Variants in GRID2 observed in about 807,000 individuals in gnomAD.
GRID2 encodes the protein glutamate ionotropic receptor delta type subunit 2, also known as glutamate receptor ionotropic, delta-2.
Under a neutral mutation model 114.8 loss-of-function variants are expected in GRID2, and 33 were observed. That is an observed-to-expected ratio of 0.29 (90% CI 0.22 to 0.38). GRID2 has a LOEUF of 0.38. GRID2 is among the 10% of genes least tolerant of loss of function. GRID2 has a pLI of 1.00. For synonymous variants in GRID2, 505 were observed against 449.9 expected (o/e 1.12, Z -1.55); for missense variants, 1,184 against 1,257.7 (o/e 0.94, Z 0.89).
At chr4:93,751,972 CTT>C (rs759877728) in intron 14 of GRID2, among the ~76,000 whole-genome samples, 9 of 143,046 alleles carry the variant, frequency 6.3e-5, no homozygotes, top group Non-Finnish European at 6.2e-5. Context: ...CCTGAACATT[CTT>C]TTTTTTTTTT....
At chr4:93,000,832 G>C (rs939436852) in intron 2 of GRID2, among the ~76,000 whole-genome samples, 1 of 151,244 alleles carries the variant, frequency 6.6e-6, no homozygotes, top group South Asian at 2.1e-4. Flanking sequence ...GGGAGAAGGG[G>C]GTTGAAAAAC....
chr4:92,439,900 C>T (rs892935285), intron 1 of GRID2, among the ~76,000 whole-genome samples: 1 of 145,624 alleles, frequency 6.9e-6, no homozygotes, highest in Non-Finnish European at 1.6e-5. Context: ...GCAGTGTAAA[C>T]AAGAGCAGGG....
intron 2 of GRID2, among the ~76,000 whole-genome samples, chr4:92,835,505 C>G (rs1047152577): frequency 1.3e-5 from 2 of 152,056 alleles, no homozygotes; most frequent in Non-Finnish European, 2.9e-5. Context: ...GTTTCTCATA[C>G]GTATGAGGCT....
intron 12 of GRID2, among the ~76,000 whole-genome samples, chr4:93,502,197 A>G (rs1179318820): frequency 1.3e-5 from 2 of 152,116 alleles, no homozygotes; most frequent in African/African-American, 4.8e-5. Flanking sequence ...CTGAAGACTT[A>G]GGTTCAAGTC....
chr4:92,964,888 T>C lies in GRID2; in HGVS notation c.245-120107T>C, dbSNP rs938654654. Among the ~76,000 whole-genome samples, 3 of 152,168 alleles carry C rather than the reference T, an allele frequency of 2.0e-5. No homozygotes were observed. In the South Asian group the frequency reaches 6.2e-4, roughly 32 times the overall value. ...ATCAGCAAAAAAGACTTCTTTGTTT[T>C]CTCACCATCCGTGTGTTCACTATAA... On this transcript the variant is annotated intron_variant, in intron 2 of 15. Coordinates refer to ENST00000282020, the MANE Select transcript of GRID2 (RefSeq NM_001510.4).
intron 8 of GRID2, among the ~76,000 whole-genome samples, chr4:93,295,443 G>A (rs1029720095): frequency 6.6e-6 from 1 of 152,180 alleles, no homozygotes; most frequent in Non-Finnish European, 1.5e-5. Flanking sequence ...AGTAGTAAAT[G>A]TATATTAAGA....
intron 12 of GRID2, among the ~76,000 whole-genome samples, chr4:93,500,792 G>A (rs932594705): frequency 8.6e-5 from 13 of 151,920 alleles, no homozygotes; most frequent in African/African-American, 3.1e-4. Context: ...AGACCCCTGG[G>A]TCAGGATATA....
At chr4:93,336,334 A>G (rs1314186862) in intron 8 of GRID2, among the ~76,000 whole-genome samples, 2 of 152,048 alleles carry the variant, frequency 1.3e-5, no homozygotes, top group South Asian at 4.1e-4. Flanking sequence ...TTCTTTCAAC[A>G]TATTTTTTAT....
At chr4:92,805,589 A>T (rs969790652) in intron 2 of GRID2, among the ~76,000 whole-genome samples, 1 of 152,030 alleles carries the variant, frequency 6.6e-6, no homozygotes, top group Non-Finnish European at 1.5e-5. Flanking sequence ...CTGAATTTAG[A>T]TCCTCTAAAG....
At chr4:92,463,798 T>G (rs1433848811) in intron 1 of GRID2, among the ~76,000 whole-genome samples, 3 of 152,028 alleles carry the variant, frequency 2.0e-5, no homozygotes, top group Non-Finnish European at 4.4e-5. Context: ...AACTCCCAAT[T>G]GCCTATATTT....
intron 8 of GRID2, among the ~76,000 whole-genome samples, chr4:93,267,528 G>A (rs971111025): frequency 6.6e-6 from 1 of 152,184 alleles, no homozygotes; most frequent in Admixed American, 6.5e-5. Context: ...ACCTGGCAGG[G>A]CTTTCTCCCG....
intron 2 of GRID2, among the ~76,000 whole-genome samples, chr4:92,897,196 G>T (rs1388592084): frequency 1.3e-5 from 2 of 152,032 alleles, no homozygotes; most frequent in Admixed American, 6.6e-5. Context: ...AAATGTCTCT[G>T]TCTGCCTGCA....
intron 2 of GRID2, among the ~76,000 whole-genome samples, chr4:92,687,019 T>G (rs762136736): frequency 6.6e-6 from 1 of 152,170 alleles, no homozygotes; most frequent in African/African-American, 2.4e-5. Flanking sequence ...CCACTTTTAT[T>G]TATTTCATGT....
chr4:93,284,843 T>C (rs1351295452), intron 8 of GRID2, among the ~76,000 whole-genome samples: 4 of 152,016 alleles, frequency 2.6e-5, no homozygotes, highest in African/African-American at 9.7e-5. Flanking sequence ...CAGCGAGACT[T>C]GGTTCCTTCA....
At chr4:92,846,281 T>C (rs915072567) in intron 2 of GRID2, among the ~76,000 whole-genome samples, 8 of 152,072 alleles carry the variant, frequency 5.3e-5, no homozygotes, top group Admixed American at 6.6e-5. Context: ...ACTGAGTATA[T>C]AGTACCTAAT....
chr4:92,986,416 C>A (rs1754512147), intron 2 of GRID2, among the ~76,000 whole-genome samples: 1 of 152,086 alleles, frequency 6.6e-6, no homozygotes, highest in African/African-American at 2.4e-5. Flanking sequence ...CCTCTCTGCA[C>A]AATGAGATAT....
At chr4:92,969,906 G>T (rs1463850656) in intron 2 of GRID2, among the ~76,000 whole-genome samples, 1 of 151,824 alleles carries the variant, frequency 6.6e-6, no homozygotes, top group Non-Finnish European at 1.5e-5. Flanking sequence ...AAGAATGAGT[G>T]CTTCTTAAAA....
intron 4 of GRID2, among the ~76,000 whole-genome samples, chr4:93,167,062 G>A (rs1738321690): frequency 6.6e-6 from 1 of 152,122 alleles, no homozygotes; most frequent in African/African-American, 2.4e-5. Flanking sequence ...AATCTTGTAT[G>A]TTTCATAAGA....
intron 14 of GRID2, among the ~76,000 whole-genome samples, chr4:93,652,823 CAA>C (rs144781526): frequency 0.24 from 25,718 of 107,080 alleles, 2,729 homozygotes; most frequent in Middle Eastern, 0.44. Context: ...TGAACTGGAA[CAA>C]AAGAGACACC....
Sources: allele counts gnomAD v4.1 joint callset (sites outside exome capture counted in the v4.1 genomes callset), GRCh38; gene constraint gnomAD v4.1.1; transcripts MANE v1.5; gene names NCBI Gene and HGNC (gene_info 2026-07-23, HGNC 2026-07-21).